Variants in WWOX observed in about 807,000 individuals in gnomAD.
WWOX encodes the protein WW domain containing oxidoreductase, also known as WW domain-containing oxidoreductase.
In WWOX, 69 loss-of-function variants were observed where a neutral mutation model predicts 46.2. The ratio of observed to expected loss-of-function variants is 1.49; its 90% CI spans 1.23 to 1.82. The LOEUF is 1.82. Ranked by LOEUF, WWOX falls within the 40% of genes most tolerant of loss-of-function variation. WWOX has a pLI of 0.00. For missense variants in WWOX, 919 were observed against 542.6 expected, an observed-to-expected ratio of 1.69 and a Z score of -6.89; for synonymous variants, 359 against 202.6, an observed-to-expected ratio of 1.77 and a Z score of -6.56.
At chr16:78,169,427 G>A (rs999408482) in intron 5 of WWOX, among the ~76,000 whole-genome samples, 7 of 150,724 alleles carry the variant, frequency 4.6e-5, no homozygotes, top group East Asian at 1.9e-4. Flanking sequence ...TTTATTTCTC[G>A]GGGTCTGGCA....
chr16:78,559,910 T>G (rs1211779703), intron 8 of WWOX, among the ~76,000 whole-genome samples: 1 of 152,228 alleles, frequency 6.6e-6, no homozygotes, highest in African/African-American at 2.4e-5. Flanking sequence ...TTACAATCCG[T>G]TGCAGAAAGC....
chr16:78,298,531 C>G (rs1422327334), intron 5 of WWOX, among the ~76,000 whole-genome samples: 1 of 152,136 alleles, frequency 6.6e-6, no homozygotes, highest in East Asian at 1.9e-4. Flanking sequence ...GTGGCTCACA[C>G]CTGTAATCCC....
intron 5 of WWOX, among the ~76,000 whole-genome samples, chr16:78,358,866 CTT>C (rs57364873): frequency 1.6e-4 from 19 of 120,938 alleles, no homozygotes; most frequent in East Asian, 6.9e-4. Flanking sequence ...ACACTGTGGT[CTT>C]TTTTTTTTTT....
chr16:78,597,112 A>G (rs1597325059), intron 8 of WWOX, among the ~76,000 whole-genome samples: 1 of 152,032 alleles, frequency 6.6e-6, no homozygotes, highest in African/African-American at 2.4e-5. Context: ...CTTTGTGAAA[A>G]CTGCTCCTGA....
intron 8 of WWOX, among the ~76,000 whole-genome samples, chr16:78,587,193 CTTTT>C (rs528293412): frequency 1.8e-5 from 2 of 112,906 alleles, no homozygotes; most frequent in Admixed American, 1.9e-4. Context: ...GCCTGGCTAA[CTTTT>C]TTTTTTTTTT....
intron 5 of WWOX, among the ~76,000 whole-genome samples, chr16:78,361,307 AT>A (rs1297059607): frequency 1.3e-5 from 2 of 152,176 alleles, no homozygotes; most frequent in Non-Finnish European, 2.9e-5. Flanking sequence ...GATCTGTCTC[AT>A]CCCTGGTAAT....
At chr16:78,862,199 T>C (rs576051230) in intron 8 of WWOX, among the ~76,000 whole-genome samples, 39 of 151,714 alleles carry the variant, frequency 2.6e-4, no homozygotes, top group Non-Finnish European at 4.9e-4. Flanking sequence ...TCTGTCTGTA[T>C]CTTTACACAC....
At chr16:78,562,695 C>T (rs1169297307) in intron 8 of WWOX, among the ~76,000 whole-genome samples, 1 of 152,182 alleles carries the variant, frequency 6.6e-6, no homozygotes. Context: ...CATCTGCACT[C>T]ACTGACAATC....
chr16:78,210,059 T>C (rs1031149711), intron 5 of WWOX, among the ~76,000 whole-genome samples: 1 of 152,138 alleles, frequency 6.6e-6, no homozygotes, highest in Admixed American at 6.6e-5. Context: ...TTGTGGGTCC[T>C]GGTGATGTTG....
At chr16:78,494,743 A>C (rs769504188) in intron 8 of WWOX, among the ~76,000 whole-genome samples, 4 of 152,182 alleles carry the variant, frequency 2.6e-5, no homozygotes, top group Non-Finnish European at 5.9e-5. Context: ...GAGTCAGCAC[A>C]TTGAGCGTTT....
Position 78,243,411 on chromosome 16 carries a change from T to C in WWOX, c.516+79122T>C, listed in dbSNP as rs779149503. On this transcript the variant is annotated intron_variant, in intron 5 of 8. Coordinates refer to ENST00000566780, the MANE Select transcript of WWOX (RefSeq NM_016373.4). ...GGGGTACTCGTGCAGGGCTGTTAAA[T>C]AGGTAAATGACATGTCATGGGGGTT... Among the ~76,000 whole-genome samples, 11 of 152,224 alleles carry C rather than the reference T, an allele frequency of 7.2e-5. 1 individual carries two copies. The highest frequency in any genetic ancestry group is 3.9e-4 in the East Asian group (2 of 5,158).
chr16:78,349,065 T>G (rs1240347864), intron 5 of WWOX, among the ~76,000 whole-genome samples: 2 of 120,430 alleles, frequency 1.7e-5, no homozygotes, highest in African/African-American at 5.6e-5. Context: ...TTCTCATAGT[T>G]GTGGAGCCTA....
intron 5 of WWOX, among the ~76,000 whole-genome samples, chr16:78,370,777 T>C (rs2081658866): frequency 1.9e-5 from 1 of 52,108 alleles, no homozygotes; most frequent in South Asian, 9.4e-4. Context: ...AAACTTTTTT[T>C]CTTTTTTTTT....
intron 8 of WWOX, among the ~76,000 whole-genome samples, chr16:79,207,794 TTTTC>T (rs915762471): frequency 6.6e-6 from 1 of 151,924 alleles, no homozygotes; most frequent in Non-Finnish European, 1.5e-5. Flanking sequence ...GGTGCTTTTT[TTTTC>T]TTTACCATAT....
chr16:79,050,880 A>C (rs911736657), intron 8 of WWOX, among the ~76,000 whole-genome samples: 1 of 152,194 alleles, frequency 6.6e-6, no homozygotes, highest in Non-Finnish European at 1.5e-5. Flanking sequence ...GCTGACAGTT[A>C]TCCTCTGCAT....
intron 8 of WWOX, among the ~76,000 whole-genome samples, chr16:78,875,657 A>G (rs1284365933): frequency 6.6e-6 from 1 of 152,188 alleles, no homozygotes; most frequent in Non-Finnish European, 1.5e-5. Flanking sequence ...ATAGAAGCTT[A>G]GAAAGATGGA....
chr16:78,229,532 A>ATAT (rs5818118), intron 5 of WWOX, among the ~76,000 whole-genome samples: 2 of 147,380 alleles, frequency 1.4e-5, no homozygotes, highest in African/African-American at 5.0e-5. Context: ...ATATATATAT[A>ATAT]AAATAATGAA....
At chr16:78,530,086 A>C (rs1049612072) in intron 8 of WWOX, among the ~76,000 whole-genome samples, 1 of 152,140 alleles carries the variant, frequency 6.6e-6, no homozygotes, top group Non-Finnish European at 1.5e-5. Flanking sequence ...GGAAGCATGC[A>C]GGTGAGCAGG....
At chr16:78,394,942 C>G (rs539221632) in intron 6 of WWOX, among the ~76,000 whole-genome samples, 5 of 152,130 alleles carry the variant, frequency 3.3e-5, no homozygotes, top group African/African-American at 1.2e-4. Context: ...AATCTCTCAG[C>G]GTCACTTTCC....
Sources: gnomAD v4.1 joint callset for allele counts (sites outside exome capture counted in the v4.1 genomes callset) on GRCh38, gnomAD v4.1.1 for gene constraint, MANE v1.5 for transcripts, NCBI Gene and HGNC (gene_info 2026-07-23, HGNC 2026-07-21) for gene names.